Variants in TSHZ3 observed in about 807,000 individuals in gnomAD.
TSHZ3 encodes the protein teashirt zinc finger homeobox 3.
Under a neutral mutation model 64.5 loss-of-function variants are expected in TSHZ3, and 10 were observed. The ratio of observed to expected loss-of-function variants is 0.16; its 90% CI spans 0.10 to 0.26. TSHZ3 has a LOEUF of 0.26. TSHZ3 is among the 10% of genes least tolerant of loss of function. The pLI is 1.00. For missense variants in TSHZ3, 1,242 were observed against 1,421.7 expected (o/e 0.87, Z 2.03); for synonymous variants, 608 against 593.1 (o/e 1.03, Z -0.36).
intron 4 of TSHZ3, among the ~76,000 whole-genome samples, chr19:31,207,274 T>C (rs1975193440): frequency 1.3e-5 from 2 of 152,242 alleles, no homozygotes; most frequent in South Asian, 2.1e-4. Context: ...ATAGCTTGCT[T>C]AGCTAACCAT....
At position 31,241,530 on chromosome 19, in the gene TSHZ3, A is replaced by T. The variant is rs1975689122; in HGVS notation, n.550+739T>A. 2.0e-5 allele frequency among the ~76,000 whole-genome samples: 3 copies of T among 152,208 alleles called. No homozygotes were observed. In the South Asian group the frequency reaches 6.2e-4, roughly 32 times the overall value. Reference sequence around the variant, plus strand: ...AATCTCCCAACAGCTTAACTCTGGTAAGCACTAGGTAATCTCCATGCACGT... The same window carrying T: ...AATCTCCCAACAGCTTAACTCTGGTTAGCACTAGGTAATCTCCATGCACGT... On this transcript the variant is annotated intron_variant and non_coding_transcript_variant, in intron 3 of 6. Transcript: ENST00000651361.
chr19:31,182,227 G>A (rs1279537192), intron 5 of TSHZ3, among the ~76,000 whole-genome samples: 2 of 152,170 alleles, frequency 1.3e-5, no homozygotes, highest in Non-Finnish European at 2.9e-5. Context: ...TCAAGCTGGG[G>A]AAACATCTTC....
At chr19:31,319,218 G>C (rs1916694109) in intron 1 of TSHZ3, among the ~76,000 whole-genome samples, 1 of 152,198 alleles carries the variant, frequency 6.6e-6, no homozygotes, top group Non-Finnish European at 1.5e-5. Flanking sequence ...AAACAAGCAG[G>C]CTATGAATAG....
chr19:31,242,070 T>C (rs915940153), intron 3 of TSHZ3, among the ~76,000 whole-genome samples: 11 of 152,212 alleles, frequency 7.2e-5, no homozygotes, highest in African/African-American at 2.7e-4. Context: ...TTTTTAGGCA[T>C]ATTTTTGAAA....
At chr19:31,173,141 G>C (rs1422245182) in intron 5 of TSHZ3, among the ~76,000 whole-genome samples, 1 of 152,144 alleles carries the variant, frequency 6.6e-6, no homozygotes. Context: ...ACTTGGGATG[G>C]GGCACACATA....
intron 5 of TSHZ3, among the ~76,000 whole-genome samples, chr19:31,158,252 C>T (rs1307577907): frequency 2.0e-5 from 3 of 152,078 alleles, no homozygotes; most frequent in Non-Finnish European, 4.4e-5. Context: ...AAACACACAC[C>T]GGATCTCAAG....
chr19:31,323,477 C>A (rs564242756), intron 1 of TSHZ3, among the ~76,000 whole-genome samples: 1 of 152,332 alleles, frequency 6.6e-6, no homozygotes, highest in East Asian at 1.9e-4. Context: ...AAAGACAAAG[C>A]ATAATTCTAT....
chr19:31,314,878 G>C (rs990539331), intron 1 of TSHZ3, among the ~76,000 whole-genome samples: 1 of 152,232 alleles, frequency 6.6e-6, no homozygotes, highest in Non-Finnish European at 1.5e-5. Flanking sequence ...GCCCCTGGGA[G>C]AAGCCAGGCT....
Position 31,279,685 on chromosome 19 carries a change from C to A in TSHZ3, c.108G>T (p.Thr36=). The stretch of plus-strand genomic sequence containing the variant: ...ACTTGGCCGAGGGCTCTCCATCTGC[C>A]GTATGCTCCTCTGGGTCTAAACCTT... ...VDEGLDPEEH[T]ADGEPSAKYM... The change falls in exon 2 of 2, where the codon ACG becomes ACT. Residue 36 remains threonine, a synonymous_variant. Coordinates refer to ENST00000240587, the MANE Select transcript of TSHZ3 (RefSeq NM_020856.4). The surrounding 1 kb of genome is among the most constrained non-coding windows in gnomAD (Gnocchi z 6.4). 6.4e-7 allele frequency: 1 copy of A among 1,573,662 alleles called. No individual in the cohort carries two copies.
chr19:31,242,111 C>T (rs146240437), intron 3 of TSHZ3, among the ~76,000 whole-genome samples: 2 of 152,170 alleles, frequency 1.3e-5, no homozygotes, highest in African/African-American at 4.8e-5. Flanking sequence ...CAGTGACTTT[C>T]CTCTCACATA....
intron 1 of TSHZ3, among the ~76,000 whole-genome samples, chr19:31,259,335 T>C (rs1384199943): frequency 1.3e-5 from 2 of 152,196 alleles, no homozygotes; most frequent in Middle Eastern, 3.2e-3. Flanking sequence ...TTTATAGATT[T>C]TTTTGGTCAT....
At chr19:31,289,330 T>C (rs1432211903) in intron 1 of TSHZ3, among the ~76,000 whole-genome samples, 1 of 152,006 alleles carries the variant, frequency 6.6e-6, no homozygotes, top group Non-Finnish European at 1.5e-5. Context: ...GGGTGAGAGC[T>C]CCCACTGGGG....
intron 1 of TSHZ3, among the ~76,000 whole-genome samples, chr19:31,286,039 A>T (rs993960772): frequency 6.6e-6 from 1 of 152,138 alleles, no homozygotes; most frequent in Non-Finnish European, 1.5e-5. Flanking sequence ...GGGCACCCGC[A>T]TTCCACGCTT....
chr19:31,169,761 C>A (rs950887222), intron 5 of TSHZ3, among the ~76,000 whole-genome samples: 2 of 152,140 alleles, frequency 1.3e-5, no homozygotes, highest in African/African-American at 4.8e-5. Flanking sequence ...GAGCCCTTGG[C>A]CATGTGTCCT....
At chr19:31,226,322 A>G (rs905393209) in intron 4 of TSHZ3, among the ~76,000 whole-genome samples, 4 of 152,166 alleles carry the variant, frequency 2.6e-5, no homozygotes, top group African/African-American at 7.2e-5. Context: ...GGGAACCAGT[A>G]GGAGATAACT....
chr19:31,323,518 T>C (rs888243408), intron 1 of TSHZ3, among the ~76,000 whole-genome samples: 2 of 152,238 alleles, frequency 1.3e-5, no homozygotes, highest in Non-Finnish European at 2.9e-5. Context: ...CTTTTCTTTA[T>C]CTTTGTTGTG....
chr19:31,297,624 C>T (rs980497483), intron 1 of TSHZ3, among the ~76,000 whole-genome samples: 1 of 152,104 alleles, frequency 6.6e-6, no homozygotes, highest in Non-Finnish European at 1.5e-5. Flanking sequence ...ACCACCACGC[C>T]TAGCTGATTT....
At chr19:31,164,960 G>T (rs1290071818) in intron 5 of TSHZ3, among the ~76,000 whole-genome samples, 3 of 152,232 alleles carry the variant, frequency 2.0e-5, no homozygotes, top group African/African-American at 7.2e-5. Context: ...ATAAAAGCGA[G>T]CGGCAGCCTC....
chr19:31,313,836 A>G (rs1294625964), intron 1 of TSHZ3, among the ~76,000 whole-genome samples: 6 of 152,196 alleles, frequency 3.9e-5, no homozygotes, highest in Admixed American at 1.3e-4. Flanking sequence ...GGTATTATCG[A>G]GAAGGGTATG....
Sources: allele counts gnomAD v4.1 joint callset (sites outside exome capture counted in the v4.1 genomes callset), GRCh38; gene constraint gnomAD v4.1.1; non-coding constraint Gnocchi (gnomAD v3.1); transcripts MANE v1.5; gene names NCBI Gene and HGNC (gene_info 2026-07-23, HGNC 2026-07-21).